Variants in VIT observed in about 807,000 individuals in gnomAD.
The protein encoded by VIT is vitrin.
Under a neutral mutation model 78.0 loss-of-function variants are expected in VIT, and 99 were observed. The observed-to-expected ratio is 1.27, with a 90% confidence interval of 1.08 to 1.50. The LOEUF (loss-of-function observed/expected upper bound fraction) is 1.50. Among genes scored for constraint, VIT ranks in the 40% most tolerant of loss-of-function variants. The pLI, the probability that VIT is intolerant of heterozygous loss-of-function variation, is 0.00. For synonymous variants in VIT, 374 were observed against 334.3 expected, an observed-to-expected ratio of 1.12 and a Z score of -1.29; for missense variants, 1,126 against 875.3, an observed-to-expected ratio of 1.29 and a Z score of -3.61.
At chr2:36,735,941 G>C (rs1667485509) in intron 3 of VIT, among the ~76,000 whole-genome samples, 1 of 152,164 alleles carries the variant, frequency 6.6e-6, no homozygotes, top group Admixed American at 6.5e-5. Flanking sequence ...AGAATAGTAA[G>C]AGGGAAAAAA....
intron 12 of VIT, among the ~76,000 whole-genome samples, chr2:36,799,948 T>G (rs1262288365): frequency 6.7e-6 from 1 of 149,980 alleles, no homozygotes; most frequent in Non-Finnish European, 1.5e-5. Flanking sequence ...CTTGGGAGAC[T>G]GAGGCAGGAG....
chr2:36,723,947 GAAAGAAAAGA>G (rs750762402), intron 2 of VIT, among the ~76,000 whole-genome samples: 1 of 88,196 alleles, frequency 1.1e-5, no homozygotes, highest in African/African-American at 4.2e-5. Context: ...GAAAAGAAAA[GAAAGAAAAGA>G]AAAGAAAAGA....
chr2:36,794,130 T>C (rs888961696), intron 12 of VIT, among the ~76,000 whole-genome samples: 8 of 152,186 alleles, frequency 5.3e-5, no homozygotes, highest in African/African-American at 2.4e-5. Context: ...GGTGTTTGCT[T>C]CTTAAACCCT....
chr2:36,736,996 A>G (rs1257846829), intron 3 of VIT, among the ~76,000 whole-genome samples: 4 of 152,222 alleles, frequency 2.6e-5, no homozygotes, highest in Non-Finnish European at 2.9e-5. Context: ...CAAAAGTACC[A>G]TGAAGATCCA....
intron 11 of VIT, 121 bp downstream of exon 11, chr2:36,783,523 C>G: frequency 2.2e-6 from 2 of 914,636 alleles, no homozygotes; most frequent in Non-Finnish European, 3.4e-6. Flanking sequence ...TTTATCTCCT[C>G]TCTTCTGACA....
intron 6 of VIT, among the ~76,000 whole-genome samples, chr2:36,763,182 G>A (rs998436641): frequency 6.6e-6 from 1 of 152,190 alleles, no homozygotes; most frequent in East Asian, 1.9e-4. Context: ...GCCCACCCTG[G>A]GTCCAGTGAG....
Position 36,701,163 on chromosome 2 carries a change from G to A in VIT, c.-19+4190G>A, listed in dbSNP as rs539701853. Among the ~76,000 whole-genome samples the A allele has an allele frequency of 1.2e-4, 19 of 152,230 alleles. 1 individual carries two copies. The South Asian group carries it at 3.7e-3, about 30-fold the overall frequency. Reference sequence around the variant, plus strand: ...ACACCGTAGTAATAACAGTGGAGAGGCGTGGAGGCAAGGAACTCACAGGGG... The same window carrying A: ...ACACCGTAGTAATAACAGTGGAGAGACGTGGAGGCAAGGAACTCACAGGGG... On this transcript the variant is annotated intron_variant, in intron 1 of 15. Coordinates refer to ENST00000379242, the MANE Select transcript of VIT (RefSeq NM_053276.4).
At chr2:36,728,062 G>A (rs1240099350) in intron 2 of VIT, among the ~76,000 whole-genome samples, 1 of 152,066 alleles carries the variant, frequency 6.6e-6, no homozygotes, top group East Asian at 1.9e-4. Flanking sequence ...CCAAGTAGCT[G>A]GAATTACAGG....
At chr2:36,738,142 A>G (rs1667620351) in intron 3 of VIT, among the ~76,000 whole-genome samples, 1 of 152,222 alleles carries the variant, frequency 6.6e-6, no homozygotes, top group Non-Finnish European at 1.5e-5. Context: ...TATTTGTAAG[A>G]TATATACTGC....
intron 2 of VIT, among the ~76,000 whole-genome samples, chr2:36,727,997 C>T (rs553627334): frequency 4.6e-5 from 7 of 151,996 alleles, no homozygotes; most frequent in Admixed American, 1.3e-4. Context: ...GGTGTGATCT[C>T]GGCTCACTGC....
intron 7 of VIT, among the ~76,000 whole-genome samples, chr2:36,770,265 AGGGTAT>A (rs1328191981): frequency 1.3e-5 from 2 of 152,208 alleles, no homozygotes; most frequent in Non-Finnish European, 2.9e-5. Flanking sequence ...GGACACCTGA[AGGGTAT>A]GTAGCCAAAA....
intron 4 of VIT, among the ~76,000 whole-genome samples, chr2:36,748,990 C>T (rs1283744933): frequency 2.6e-5 from 4 of 152,176 alleles, no homozygotes; most frequent in Non-Finnish European, 5.9e-5. Context: ...GTGTTTTCTC[C>T]GTCGACCTTA....
intron 1 of VIT, among the ~76,000 whole-genome samples, chr2:36,712,918 T>C (rs1665895396): frequency 6.6e-6 from 1 of 152,230 alleles, no homozygotes; most frequent in African/African-American, 2.4e-5. Flanking sequence ...GTTTCCTCTT[T>C]AAATTTCCTA....
intron 1 of VIT, among the ~76,000 whole-genome samples, chr2:36,707,075 A>G (rs1665473743): frequency 6.6e-6 from 1 of 152,168 alleles, no homozygotes; most frequent in African/African-American, 2.4e-5. Context: ...ACTCTGGTAT[A>G]AACCCCTATT....
At position 36,759,048 on chromosome 2, in the gene VIT, C is replaced by A; in HGVS notation, c.487+2C>A. ...CGAAAAGTCCAGCTGCCCAAGCAGG[C>A]AAGTGCTCACGTGTGATTGAATCTA... On this transcript the variant is annotated splice_donor_variant, in intron 6 of 15. Coordinates refer to ENST00000379242, the MANE Select transcript of VIT (RefSeq NM_053276.4). LOFTEE classifies it high-confidence loss of function. The A allele has an allele frequency of 6.2e-7, 1 of 1,614,100 alleles. No homozygotes were observed. Among genetic ancestry groups the A allele is most frequent in the South Asian group, 1.1e-5 (1 of 91,078 alleles).
chr2:36,805,876 T>C (rs1385189454), intron 14 of VIT, among the ~76,000 whole-genome samples: 2 of 152,066 alleles, frequency 1.3e-5, no homozygotes, highest in Non-Finnish European at 2.9e-5. Context: ...GGAGGAGCAG[T>C]GTACTCGAAT....
intron 4 of VIT, 85 bp downstream of exon 4, chr2:36,743,341 A>G: frequency 7.4e-7 from 1 of 1,356,780 alleles, no homozygotes. Context: ...ATATTTAGCA[A>G]GCAAAAATAT....
chr2:36,763,932 A>G (rs977876472), intron 6 of VIT, among the ~76,000 whole-genome samples: 5 of 152,192 alleles, frequency 3.3e-5, no homozygotes, highest in Non-Finnish European at 7.3e-5. Flanking sequence ...ACAACAGCCC[A>G]CGGAAGCCCG....
intron 3 of VIT, among the ~76,000 whole-genome samples, chr2:36,741,369 A>C (rs912819354): frequency 6.6e-6 from 1 of 152,226 alleles, no homozygotes; most frequent in African/African-American, 2.4e-5. Context: ...TTTGAAGCAC[A>C]GCGCTCTACT....
Sources: allele counts gnomAD v4.1 joint callset (sites outside exome capture counted in the v4.1 genomes callset), GRCh38; gene constraint gnomAD v4.1.1; transcripts MANE v1.5; gene names NCBI Gene and HGNC (gene_info 2026-07-23, HGNC 2026-07-21).